Variants in AFG2A observed in about 807,000 individuals in gnomAD.
AFG2A encodes the protein ATPase family gene 2 protein homolog A.
chr4:122,999,680 G>T, the AFG2A span, among the ~76,000 whole-genome samples: 1 of 152,216 alleles, frequency 6.6e-6, no homozygotes, highest in South Asian at 2.1e-4. Context: ...CTCTGTTTTG[G>T]TACCAGCACC....
the AFG2A span, among the ~76,000 whole-genome samples, chr4:123,174,826 A>AT: frequency 0.021 from 3,213 of 150,366 alleles, 30 homozygotes; most frequent in Non-Finnish European, 0.025. Flanking sequence ...TTTTAAAAAA[A>AT]ATATATATAT....
chr4:123,084,618 A>G, the AFG2A span, among the ~76,000 whole-genome samples: 20 of 143,774 alleles, frequency 1.4e-4, no homozygotes, highest in African/African-American at 2.8e-4. Context: ...GTGTGTGTAT[A>G]TATATATAAA....
At chr4:123,045,992 G>A in the AFG2A span, among the ~76,000 whole-genome samples, 4 of 151,708 alleles carry the variant, frequency 2.6e-5, no homozygotes, top group Admixed American at 1.3e-4. Context: ...GCTACCTCAG[G>A]AAGCTGAGGC....
chr4:122,939,075 C>CA, the AFG2A span, among the ~76,000 whole-genome samples: 1 of 102,190 alleles, frequency 9.8e-6, no homozygotes, highest in African/African-American at 3.6e-5. Context: ...TATGTTCTTT[C>CA]TTTTTTTTTT....
chr4:123,247,224 C>CGTGTGTGTGTGTGTGTGTGTGT, the AFG2A span, among the ~76,000 whole-genome samples: 1 of 149,658 alleles, frequency 6.7e-6, no homozygotes, highest in Non-Finnish European at 1.5e-5. Context: ...TACTTGCGTG[C>CGTGTGTGTGTGTGTGTGTGTGT]GTGTGTGTGT....
the AFG2A span, among the ~76,000 whole-genome samples, chr4:123,018,637 A>C: frequency 6.6e-6 from 1 of 151,676 alleles, no homozygotes; most frequent in Non-Finnish European, 1.5e-5. Flanking sequence ...GTGTAATAAT[A>C]AGCTTTTTTT....
the AFG2A span, among the ~76,000 whole-genome samples, chr4:123,195,157 A>C: frequency 1.3e-5 from 2 of 152,198 alleles, no homozygotes; most frequent in Non-Finnish European, 2.9e-5. Context: ...TAAAAAACAA[A>C]AATAAATGTA....
chr4:123,076,263 C>T, the AFG2A span, among the ~76,000 whole-genome samples: 1 of 151,986 alleles, frequency 6.6e-6, no homozygotes, highest in Admixed American at 6.6e-5. Flanking sequence ...GAGACCCTGT[C>T]TCAGATTAAA....
the AFG2A span, chr4:122,979,237 T>G: frequency 1.9e-6 from 3 of 1,614,090 alleles, no homozygotes; most frequent in Non-Finnish European, 2.5e-6. Context: ...TATAGGTCTC[T>G]GTGCCTTGCG....
chr4:123,100,130 T>G, the AFG2A span, among the ~76,000 whole-genome samples: 1 of 151,876 alleles, frequency 6.6e-6, no homozygotes, highest in Non-Finnish European at 1.5e-5. Flanking sequence ...TCTGATACAC[T>G]GACACCTGTT....
chr4:123,070,922 C>G, the AFG2A span, among the ~76,000 whole-genome samples: 10 of 152,096 alleles, frequency 6.6e-5, no homozygotes, highest in Non-Finnish European at 1.3e-4. Flanking sequence ...CTTACGATTA[C>G]TATAGATTTT....
chr4:123,141,541 C>G, the AFG2A span, among the ~76,000 whole-genome samples: 1 of 152,146 alleles, frequency 6.6e-6, no homozygotes, highest in African/African-American at 2.4e-5. Context: ...GTTTTGCCCA[C>G]CTGTAGGCTA....
At chr4:123,005,270 C>T in the AFG2A span, among the ~76,000 whole-genome samples, 14 of 152,146 alleles carry the variant, frequency 9.2e-5, no homozygotes, top group South Asian at 8.3e-4. Flanking sequence ...CATGCCTCAG[C>T]CACTTGAGTA....
chr4:123,180,277 C>T, the AFG2A span, among the ~76,000 whole-genome samples: 1 of 152,114 alleles, frequency 6.6e-6, no homozygotes, highest in Admixed American at 6.5e-5. Context: ...AGCTATTTTT[C>T]AGGCACATTT....
the AFG2A span, among the ~76,000 whole-genome samples, chr4:123,250,037 C>T: frequency 9.8e-4 from 149 of 152,256 alleles, 1 homozygote; most frequent in African/African-American, 3.2e-3. Context: ...TAGAGGAAGG[C>T]ACTCCCTATA....
the AFG2A span, among the ~76,000 whole-genome samples, chr4:123,123,385 A>C: frequency 6.6e-6 from 1 of 152,188 alleles, no homozygotes; most frequent in Admixed American, 6.5e-5. Flanking sequence ...TCAGTGTAGC[A>C]CTTTAATCTT....
the AFG2A span, among the ~76,000 whole-genome samples, chr4:122,974,260 T>C: frequency 1.1e-4 from 5 of 45,656 alleles, no homozygotes; most frequent in Middle Eastern, 9.4e-3. Context: ...TATGTTTGCA[T>C]GATATAAAAA....
chr4:123,042,888 T>C, the AFG2A span, among the ~76,000 whole-genome samples: 1 of 152,206 alleles, frequency 6.6e-6, no homozygotes, highest in African/African-American at 2.4e-5. Context: ...TATTGTAGAG[T>C]TAAAACTTTT....
chr4:123,234,289 G>A, the AFG2A span, among the ~76,000 whole-genome samples: 1 of 152,150 alleles, frequency 6.6e-6, no homozygotes, highest in Middle Eastern at 3.4e-3. Context: ...TATCCTTAAT[G>A]CTTACTACCA....
Sources: allele counts gnomAD v4.1 joint callset (sites outside exome capture counted in the v4.1 genomes callset), GRCh38; gene constraint gnomAD v4.1.1; transcripts MANE v1.5; gene names NCBI Gene and HGNC (gene_info 2026-07-23, HGNC 2026-07-21).